CLSTN2: variants seen among roughly 807,000 people sequenced by gnomAD.
CLSTN2 encodes the protein calsyntenin 2, also known as calsyntenin-2.
A neutral mutation model predicts 101.2 loss-of-function variants in CLSTN2; 48 were observed. That is an observed-to-expected ratio of 0.47 (90% CI 0.38 to 0.60). The LOEUF (loss-of-function observed/expected upper bound fraction) is 0.60, where lower values mean the gene tolerates loss of function less well. Ranked by LOEUF, CLSTN2 falls within the 20% of genes least tolerant of loss-of-function variation. The pLI, the probability that CLSTN2 is intolerant of heterozygous loss-of-function variation, is 0.00. For missense variants in CLSTN2, 1,160 were observed against 1,238.2 expected (o/e 0.94, Z 0.95); for synonymous variants, 481 against 463.6 (o/e 1.04, Z -0.48).
At position 140,421,183 on chromosome 3, in the gene CLSTN2, G is replaced by A. The variant is rs767007011; in HGVS notation, c.696G>A (p.Leu232=). The part of the protein sequence containing the change: ...SYDKQHQYEI[L]VTAYDCGQKP... ...ACAAACAACACCAGTATGAGATCCT[G>A]GTGACCGCCTACGACTGTGGACAGA... is the stretch of plus-strand genomic sequence containing the variant. Residue 232 remains leucine, a synonymous_variant, in exon 5 of 17, where the codon CTG becomes CTA. Coordinates refer to ENST00000458420, the MANE Select transcript of CLSTN2 (RefSeq NM_022131.3). 2.1e-5 allele frequency: 34 copies of A among 1,614,028 alleles called. No homozygotes were observed. The highest frequency in any genetic ancestry group is 2.9e-5 in the Non-Finnish European group (34 of 1,180,012).
chr3:140,050,325 T>G (rs1345056219), intron 1 of CLSTN2, among the ~76,000 whole-genome samples: 1 of 152,140 alleles, frequency 6.6e-6, no homozygotes, highest in Non-Finnish European at 1.5e-5. Context: ...GGAGAAAGGA[T>G]GTTTACTATG....
At chr3:139,964,342 T>A (rs1425298745) in intron 1 of CLSTN2, among the ~76,000 whole-genome samples, 1 of 152,142 alleles carries the variant, frequency 6.6e-6, no homozygotes, top group African/African-American at 2.4e-5. Context: ...ATGATCACAA[T>A]GTAATCTAAT....
At chr3:139,951,758 C>T (rs1194194893) in intron 1 of CLSTN2, among the ~76,000 whole-genome samples, 1 of 152,168 alleles carries the variant, frequency 6.6e-6, no homozygotes, top group Non-Finnish European at 1.5e-5. Context: ...CTTGACAAAT[C>T]ATGGTAGGGA....
intron 1 of CLSTN2, among the ~76,000 whole-genome samples, chr3:139,948,388 C>G (rs949381690): frequency 6.6e-6 from 1 of 151,778 alleles, no homozygotes; most frequent in Non-Finnish European, 1.5e-5. Context: ...TCACTTGAAT[C>G]TGGGAGGCAG....
chr3:140,406,666 T>C (rs1341300070), intron 4 of CLSTN2, among the ~76,000 whole-genome samples: 42 of 152,168 alleles, frequency 2.8e-4, no homozygotes, highest in Admixed American at 2.7e-3. Flanking sequence ...TTGAACAACT[T>C]CTTTGTATTT....
intron 8 of CLSTN2, among the ~76,000 whole-genome samples, chr3:140,491,386 C>T (rs1462145099): frequency 2.0e-5 from 3 of 152,192 alleles, no homozygotes; most frequent in Non-Finnish European, 2.9e-5. Context: ...TATTGATATA[C>T]CAGCAATGAC....
intron 9 of CLSTN2, among the ~76,000 whole-genome samples, chr3:140,533,413 GT>G (rs1935299057): frequency 6.6e-6 from 1 of 152,142 alleles, no homozygotes; most frequent in Non-Finnish European, 1.5e-5. Flanking sequence ...GTGGGCTATA[GT>G]ATAAGAATAT....
rs1402235729 is a variant in CLSTN2, at chr3:140,241,874, T to TACAC, written c.232+65802_232+65803insCACA. ...ATATATACACATATATATACACATA[T>TACAC]ATATATACACACACACACACACACA... On this transcript the variant is annotated intron_variant, in intron 2 of 16. Transcript: ENST00000458420. 3.3e-3 allele frequency among the ~76,000 whole-genome samples: 197 copies of TACAC among 60,030 alleles called. 1 individual carries two copies. The highest frequency in any genetic ancestry group is 8.7e-3 in the African/African-American group (167 of 19,088). 39.4% of individuals were successfully genotyped at this position (60,030 alleles called of 152,430 possible).
chr3:140,496,000 G>T (rs1934457798), intron 8 of CLSTN2, among the ~76,000 whole-genome samples: 1 of 152,142 alleles, frequency 6.6e-6, no homozygotes, highest in African/African-American at 2.4e-5. Context: ...ATTCCATGAA[G>T]AATGTCAATA....
chr3:140,172,233 C>A (rs922940669), intron 1 of CLSTN2, among the ~76,000 whole-genome samples: 1 of 85,718 alleles, frequency 1.2e-5, no homozygotes, highest in Admixed American at 1.7e-4. Flanking sequence ...TGGGGGTGAG[C>A]GGGGGGGACT....
intron 2 of CLSTN2, among the ~76,000 whole-genome samples, chr3:140,363,427 T>C (rs1041397531): frequency 6.6e-6 from 1 of 152,212 alleles, no homozygotes; most frequent in Non-Finnish European, 1.5e-5. Context: ...GTTACAGAAC[T>C]CCGTAAATTT....
intron 2 of CLSTN2, among the ~76,000 whole-genome samples, chr3:140,218,759 C>T (rs183996106): frequency 1.1e-3 from 163 of 152,198 alleles, no homozygotes; most frequent in Non-Finnish European, 3.4e-4. Flanking sequence ...AAACCTGGAG[C>T]GAAGTTAGTG....
At position 139,966,575 on chromosome 3, in the gene CLSTN2, C is replaced by G. The variant is rs571444866; in HGVS notation, c.109+31092C>G. Among the ~76,000 whole-genome samples the G allele has an allele frequency of 2.4e-4, 36 of 152,294 alleles. No individual in the cohort carries two copies. In the East Asian group the frequency reaches 6.6e-3, roughly 28 times the overall value. ...GCCTCACCCCTTTTAGAAAGTCCTC[C>G]TTGTGTGCTGCTGGTTGGGTTTGGA... On this transcript the variant is annotated intron_variant, in intron 1 of 16. Transcript: ENST00000458420.
chr3:140,427,614 C>T (rs562209584), intron 5 of CLSTN2, among the ~76,000 whole-genome samples: 51 of 152,078 alleles, frequency 3.4e-4, no homozygotes, highest in Middle Eastern at 3.4e-3. Context: ...GCATGGATCT[C>T]ATTACACGTA....
Position 140,567,699 on chromosome 3 carries a change from T to C in CLSTN2, c.*1446T>C, listed in dbSNP as rs1208608422. 6.6e-6 allele frequency: 1 copy of C among 152,226 alleles called. No homozygotes were observed. The highest frequency in any genetic ancestry group is 1.9e-4 in the East Asian group (1 of 5,192). 9.4% of individuals were successfully genotyped at this position (152,226 alleles called of 1,614,324 possible). On this transcript the variant is annotated 3_prime_UTR_variant, in exon 17 of 17. Transcript: ENST00000458420. ...TCCTCTTTGTCATCAATGTGTATGC[T>C]CTGTCCCCATCCTTCACTCCTCCTC... is the stretch of plus-strand genomic sequence containing the variant.
At chr3:140,080,923 G>A (rs916995723) in intron 1 of CLSTN2, among the ~76,000 whole-genome samples, 1 of 152,196 alleles carries the variant, frequency 6.6e-6, no homozygotes, top group African/African-American at 2.4e-5. Flanking sequence ...CCAGCTATGG[G>A]ACACTGCACT....
chr3:140,245,987 A>G (rs1230627605), intron 2 of CLSTN2, among the ~76,000 whole-genome samples: 1 of 152,206 alleles, frequency 6.6e-6, no homozygotes, highest in African/African-American at 2.4e-5. Flanking sequence ...CTGTACAGAT[A>G]TGTGTGGATT....
chr3:140,519,800 G>T (rs552158157), intron 8 of CLSTN2, among the ~76,000 whole-genome samples: 20 of 152,208 alleles, frequency 1.3e-4, no homozygotes, highest in African/African-American at 4.3e-4. Flanking sequence ...GGAACATTTA[G>T]CTCACTTACA....
intron 5 of CLSTN2, among the ~76,000 whole-genome samples, chr3:140,426,256 T>C (rs964854695): frequency 6.6e-6 from 1 of 152,218 alleles, no homozygotes; most frequent in African/African-American, 2.4e-5. Context: ...ATGCAGTAGC[T>C]ATTTATACTA....
Sources: allele counts gnomAD v4.1 joint callset (sites outside exome capture counted in the v4.1 genomes callset), GRCh38; gene constraint gnomAD v4.1.1; transcripts MANE v1.5; gene names NCBI Gene and HGNC (gene_info 2026-07-23, HGNC 2026-07-21).